Variants in TBC1D9 observed in about 807,000 individuals in gnomAD.
TBC1D9 encodes TBC1 domain family member 9, also known as TBC1 domain family member 9A.
TBC1D9 carries 63 observed loss-of-function variants against 132.0 expected under a neutral mutation model. The observed-to-expected ratio is 0.48, with a 90% CI of 0.39 to 0.59. The LOEUF is 0.59. TBC1D9 is among the 20% of genes least tolerant of loss of function. The pLI is 0.00. For missense variants in TBC1D9, 1,261 were observed against 1,592.7 expected (o/e 0.79, Z 3.54); for synonymous variants, 610 against 609.9 (o/e 1.00, Z 0.00).
intron 1 of TBC1D9, chr4:140,715,823 G>A (rs1474250518): frequency 6.6e-6 from 1 of 152,126 alleles, no homozygotes; most frequent in Non-Finnish European, 1.5e-5. Context: ...AAGACTGAGG[G>A]ACCTCACAGA....
chr4:140,642,610 C>A lies in TBC1D9; in HGVS notation c.2338-3182G>T, dbSNP rs1737021910. The A allele has an allele frequency of 4.7e-6, 4 of 847,354 alleles. No individual in the cohort carries two copies. In the South Asian group the frequency reaches 6.6e-5, roughly 14 times the overall value. The allele number at this position is 847,354 out of a possible 1,614,324, so 52.5% of individuals were successfully genotyped here. Reference sequence around the variant, plus strand: ...CGCTGTCCATCTTCTTCTTCTTAATCTTCAGCTGACTTATGAACTTAGACG... The same window carrying A: ...CGCTGTCCATCTTCTTCTTCTTAATATTCAGCTGACTTATGAACTTAGACG... On this transcript the variant is annotated intron_variant, in intron 13 of 20. Coordinates refer to ENST00000442267, the MANE Select transcript of TBC1D9 (RefSeq NM_015130.3).
chr4:140,723,111 C>T (rs1189704619), intron 1 of TBC1D9, among the ~76,000 whole-genome samples: 1 of 152,190 alleles, frequency 6.6e-6, no homozygotes, highest in Non-Finnish European at 1.5e-5. Context: ...ATTATGGCAT[C>T]TTGAATTACA....
intron 1 of TBC1D9, among the ~76,000 whole-genome samples, chr4:140,744,727 T>C (rs1301453152): frequency 6.6e-6 from 1 of 151,724 alleles, no homozygotes; most frequent in Non-Finnish European, 1.5e-5. Flanking sequence ...CTACTAAAAA[T>C]ACAAAATTAG....
intron 2 of TBC1D9, among the ~76,000 whole-genome samples, chr4:140,693,439 C>T (rs1270951487): frequency 6.6e-6 from 1 of 152,242 alleles, no homozygotes; most frequent in Non-Finnish European, 1.5e-5. Context: ...CAAACTTCTA[C>T]AATGCCACAT....
intron 9 of TBC1D9, among the ~76,000 whole-genome samples, chr4:140,664,122 C>G (rs939878293): frequency 1.1e-4 from 17 of 151,068 alleles, no homozygotes; most frequent in Non-Finnish European, 1.6e-4. Context: ...GGTAAACTAG[C>G]TCAATTATAG....
chr4:140,682,709 G>T (rs1448315713), intron 3 of TBC1D9, among the ~76,000 whole-genome samples: 2 of 152,168 alleles, frequency 1.3e-5, no homozygotes, highest in Non-Finnish European at 2.9e-5. Context: ...ACTTAGAGAA[G>T]CCTGGAGACC....
chr4:140,664,537 T>G lies in TBC1D9; in HGVS notation c.1589-2430A>C, dbSNP rs1317889052. On this transcript the variant is annotated intron_variant, in intron 9 of 20. Transcript: ENST00000442267. Reference sequence around the variant, plus strand: ...AGAGACTCAAAAAAGGACAAGAAAATTGGAGGACTCACACTTCCCAATTTT... The same window carrying G: ...AGAGACTCAAAAAAGGACAAGAAAAGTGGAGGACTCACACTTCCCAATTTT... 2.6e-5 allele frequency among the ~76,000 whole-genome samples: 4 copies of G among 152,026 alleles called. No homozygotes were observed. The East Asian group carries it at 7.7e-4, about 29-fold the overall frequency.
intron 1 of TBC1D9, among the ~76,000 whole-genome samples, chr4:140,746,099 C>A (rs554826369): frequency 7.2e-5 from 11 of 152,162 alleles, no homozygotes; most frequent in Non-Finnish European, 1.5e-4. Context: ...CATCTCCATG[C>A]CTATGTTCTC....
At chr4:140,643,934 C>T (rs1737054992) in intron 13 of TBC1D9, 3 of 661,168 alleles carry the variant, frequency 4.5e-6, no homozygotes, top group Non-Finnish European at 8.4e-6. Context: ...GGCGCTCGTC[C>T]ACATCCTCCA....
intron 8 of TBC1D9, 128 bp from the exon 9 acceptor site, chr4:140,669,195 AG>A (rs1737496652): frequency 1.1e-6 from 1 of 909,126 alleles, no homozygotes; most frequent in Middle Eastern, 2.4e-4. Flanking sequence ...CATGAGAAAA[AG>A]GAACTCAGAT....
chr4:140,712,933 G>A (rs181413835), intron 1 of TBC1D9, among the ~76,000 whole-genome samples: 7 of 152,094 alleles, frequency 4.6e-5, no homozygotes, highest in South Asian at 2.1e-4. Context: ...TTCTGCAACC[G>A]GTTACAGGGA....
intron 9 of TBC1D9, among the ~76,000 whole-genome samples, chr4:140,665,011 G>A (rs1737420160): frequency 1.3e-5 from 2 of 151,734 alleles, no homozygotes. Context: ...GGAGGCTGAG[G>A]CAGAAGAATC....
intron 13 of TBC1D9, among the ~76,000 whole-genome samples, chr4:140,650,142 C>CA (rs964089755): frequency 2.0e-5 from 3 of 152,160 alleles, no homozygotes; most frequent in African/African-American, 4.8e-5. Flanking sequence ...GATTAAATTA[C>CA]AAAAAATAAC....
At chr4:140,656,728 T>G (rs1737277556) in intron 13 of TBC1D9, among the ~76,000 whole-genome samples, 1 of 152,220 alleles carries the variant, frequency 6.6e-6, no homozygotes, top group African/African-American at 2.4e-5. Context: ...CCTACTACCC[T>G]CCTGATACCA....
chr4:140,688,066 A>T (rs1737815163), intron 2 of TBC1D9, among the ~76,000 whole-genome samples: 1 of 152,018 alleles, frequency 6.6e-6, no homozygotes, highest in Non-Finnish European at 1.5e-5. Context: ...TCCAGCTTTG[A>T]CAATGACACA....
At chr4:140,674,467 GT>G (rs1392086324) in intron 6 of TBC1D9, among the ~76,000 whole-genome samples, 2 of 152,002 alleles carry the variant, frequency 1.3e-5, no homozygotes, top group Non-Finnish European at 2.9e-5. Flanking sequence ...CCAACCATAG[GT>G]AACCGAATGA....
intron 1 of TBC1D9, among the ~76,000 whole-genome samples, chr4:140,748,616 GAAC>G (rs534033849): frequency 3.9e-5 from 6 of 152,154 alleles, no homozygotes; most frequent in Non-Finnish European, 5.9e-5. Flanking sequence ...ACTCACAAAA[GAAC>G]AACAATTCAG....
chr4:140,738,724 G>A (rs186575149), intron 1 of TBC1D9, among the ~76,000 whole-genome samples: 7 of 152,206 alleles, frequency 4.6e-5, no homozygotes, highest in Admixed American at 4.6e-4. Context: ...GTCTTTCCTT[G>A]TCTAGTCTTC....
chr4:140,669,188 G>A, intron 8 of TBC1D9, 121 bp from the exon 9 acceptor site: 1 of 983,312 alleles, frequency 1.0e-6, no homozygotes, highest in Admixed American at 2.8e-5. Flanking sequence ...AAGAAGTCAT[G>A]AGAAAAAGGA....
Sources: gnomAD v4.1 joint callset for allele counts (sites outside exome capture counted in the v4.1 genomes callset) on GRCh38, gnomAD v4.1.1 for gene constraint, MANE v1.5 for transcripts, NCBI Gene and HGNC (gene_info 2026-07-23, HGNC 2026-07-21) for gene names.